GRAMD1C: variants seen among roughly 807,000 people sequenced by gnomAD.
The protein encoded by GRAMD1C is GRAM domain containing 1C.
Under a neutral mutation model 97.8 loss-of-function variants are expected in GRAMD1C, and 89 were observed. That is an observed-to-expected ratio of 0.91 (90% CI 0.77 to 1.09). The LOEUF (loss-of-function observed/expected upper bound fraction) is 1.09. GRAMD1C is among the 50% of genes least tolerant of loss of function. The pLI, the probability that GRAMD1C is intolerant of heterozygous loss-of-function variation, is 0.00. For missense variants in GRAMD1C, 740 were observed against 766.4 expected, an observed-to-expected ratio of 0.97 and a Z score of 0.41; for synonymous variants, 256 against 267.0, an observed-to-expected ratio of 0.96 and a Z score of 0.40.
At chr3:113,919,354 A>G in intron 10 of GRAMD1C, 2 of 496,862 alleles carry the variant, frequency 4.0e-6, no homozygotes, top group East Asian at 5.8e-5. Flanking sequence ...TTTATAATGG[A>G]GAATCTGTTT....
intron 3 of GRAMD1C, among the ~76,000 whole-genome samples, chr3:113,873,100 A>AAAAAAAAAG (rs1934894457): frequency 1.4e-5 from 2 of 145,410 alleles, no homozygotes; most frequent in South Asian, 4.5e-4. Context: ...CTCAAAAAAA[A>AAAAAAAAAG]AAAAAAAAAA....
chr3:113,929,847 A>G lies in GRAMD1C; in HGVS notation c.1091-867A>G, dbSNP rs543288530. ...TCTAAAGCCTCACTTCCTTCCTTTGATGATGAGTATAATGGGGTTAGATAA... is the reference window on the plus strand; with the variant it reads ...TCTAAAGCCTCACTTCCTTCCTTTGGTGATGAGTATAATGGGGTTAGATAA... On this transcript the variant is annotated intron_variant, in intron 10 of 17. Transcript: ENST00000358160. Among the ~76,000 whole-genome samples, 7 of 152,194 alleles carry G rather than the reference A, an allele frequency of 4.6e-5. No homozygotes were observed. The East Asian group carries it at 1.3e-3, about 29-fold the overall frequency.
intron 7 of GRAMD1C, 33 bp from the exon 8 acceptor site, chr3:113,904,107 C>T: frequency 6.4e-7 from 1 of 1,574,240 alleles, no homozygotes; most frequent in Middle Eastern, 1.7e-4. Context: ...GTGGAGGTGA[C>T]CTTATATTTC....
intron 10 of GRAMD1C, among the ~76,000 whole-genome samples, chr3:113,929,009 T>C (rs1937322527): frequency 6.6e-6 from 1 of 152,236 alleles, no homozygotes; most frequent in South Asian, 2.1e-4. Flanking sequence ...TGCTGCATCA[T>C]ATAGTAATTC....
upstream of GRAMD1C, among the ~76,000 whole-genome samples, chr3:113,837,530 G>C (rs76641292): frequency 6.6e-6 from 1 of 152,142 alleles, no homozygotes; most frequent in Non-Finnish European, 1.5e-5. Flanking sequence ...GCTCCAAGGC[G>C]AGAAGGAGGA....
chr3:113,836,562 G>A (rs967703904), upstream of GRAMD1C, among the ~76,000 whole-genome samples: 1 of 151,202 alleles, frequency 6.6e-6, no homozygotes, highest in African/African-American at 2.4e-5. Context: ...TGGATAACAG[G>A]GAACTCCTAA....
chr3:113,855,497 A>T lies in GRAMD1C; in HGVS notation c.174+10848A>T, dbSNP rs1934086655. Among the ~76,000 whole-genome samples, 5 of 152,176 alleles carry T rather than the reference A, an allele frequency of 3.3e-5. No homozygotes were observed. In the South Asian group the frequency reaches 1.0e-3, roughly 32 times the overall value. ...GGCGGGTGGATCCCTTGAGGCCAGG[A>T]GTTCGAGATCAGCCTGGCCAACATG... On this transcript the variant is annotated intron_variant, in intron 2 of 17. Coordinates refer to ENST00000358160, the MANE Select transcript of GRAMD1C (RefSeq NM_017577.5).
chr3:113,901,403 T>A (rs984247374), intron 7 of GRAMD1C, among the ~76,000 whole-genome samples: 2 of 152,200 alleles, frequency 1.3e-5, no homozygotes, highest in African/African-American at 4.8e-5. Flanking sequence ...TAAGCCTGTT[T>A]ATTAAGGATC....
intron 2 of GRAMD1C, among the ~76,000 whole-genome samples, chr3:113,866,608 C>T (rs1934596488): frequency 1.3e-5 from 2 of 151,754 alleles, no homozygotes; most frequent in South Asian, 4.2e-4. Flanking sequence ...TCTTCTGTTC[C>T]CCTTCTTTAT....
chr3:113,890,255 A>G (rs551809106), intron 6 of GRAMD1C, among the ~76,000 whole-genome samples: 41 of 152,264 alleles, frequency 2.7e-4, no homozygotes, highest in Middle Eastern at 3.4e-3. Flanking sequence ...AGGGAGTAGA[A>G]GTGACTAGCT....
rs974131188 is a variant in GRAMD1C at position 113,945,731 on chromosome 3, G to C, written c.*253G>C. On this transcript the variant is annotated 3_prime_UTR_variant, in exon 18 of 18. Coordinates refer to ENST00000358160, the MANE Select transcript of GRAMD1C (RefSeq NM_017577.5). ...TCAGTGAACCATGAAATATATTATA[G>C]AACTGAATTTCTCTGATACAAAAAG... 4 of 395,890 alleles carry C rather than the reference G, an allele frequency of 1.0e-5. No homozygotes were observed. Among genetic ancestry groups the C allele is most frequent in the African/African-American group, 4.2e-5 (2 of 47,346 alleles). 24.5% of individuals were successfully genotyped at this position (395,890 alleles called of 1,614,324 possible).
chr3:113,938,109 T>C lies in GRAMD1C; in HGVS notation c.1657T>C (p.Tyr553His). 1.3e-6 allele frequency: 2 copies of C among 1,539,224 alleles called. No individual in the cohort carries two copies. The highest frequency in any genetic ancestry group is 1.8e-6 in the Non-Finnish European group (2 of 1,126,506). ...AGGAAAGAAAAAGGAAATGGAAAAC[T>C]ATAACGTCACTCTTATTGTGGTAAT... ...ITGKKKEMENYNVTLIVVMSI... is the reference protein window; with the variant it reads ...ITGKKKEMENHNVTLIVVMSI... The change falls in exon 15 of 18, where the codon TAT becomes CAT. Residue 553 changes from tyrosine (Y) to histidine (H), a missense_variant. By Grantham distance (83) the Tyr-to-His change is moderately conservative. Coordinates refer to ENST00000358160, the MANE Select transcript of GRAMD1C (RefSeq NM_017577.5).
intron 6 of GRAMD1C, chr3:113,885,481 A>C: frequency 6.2e-7 from 1 of 1,604,312 alleles, no homozygotes; most frequent in Non-Finnish European, 8.5e-7. Flanking sequence ...GGTGAGGAGG[A>C]AGATCCTGGT....
chr3:113,887,109 T>TTTTTTTC (rs1935534123), intron 6 of GRAMD1C, among the ~76,000 whole-genome samples: 1 of 145,156 alleles, frequency 6.9e-6, no homozygotes, highest in Non-Finnish European at 1.5e-5. Flanking sequence ...TTTTTTTTTT[T>TTTTTTTC]TTGAGATAGA....
chr3:113,920,023 A>G, intron 10 of GRAMD1C: 1 of 788,496 alleles, frequency 1.3e-6, no homozygotes, highest in East Asian at 2.8e-5. Flanking sequence ...AAAAAGTTTC[A>G]GTAAGGTACT....
At chr3:113,933,356 C>T (rs1937510868) in intron 11 of GRAMD1C, among the ~76,000 whole-genome samples, 155 bp from the exon 12 acceptor site, 1 of 152,198 alleles carries the variant, frequency 6.6e-6, no homozygotes, top group South Asian at 2.1e-4. Flanking sequence ...TTATGGACAA[C>T]AGAGTCAGCA....
At chr3:113,880,776 A>C (rs568743540) in intron 5 of GRAMD1C, among the ~76,000 whole-genome samples, 1 of 152,336 alleles carries the variant, frequency 6.6e-6, no homozygotes, top group African/African-American at 2.4e-5. Context: ...AAGATCCACT[A>C]TGATAATTAT....
rs1936027958 is a variant in GRAMD1C, at chr3:113,898,637, G to C, written c.541-2394G>C. On this transcript the variant is annotated intron_variant, in intron 6 of 17. Coordinates refer to ENST00000358160, the MANE Select transcript of GRAMD1C (RefSeq NM_017577.5). ...AAAGACTTTGTCTACCAAATAAGGG[G>C]TATACATTAAATAATAAATATTAAA... Among the ~76,000 whole-genome samples the C allele has an allele frequency of 2.0e-5, 3 of 151,878 alleles. No homozygotes were observed. The South Asian group carries it at 6.2e-4, about 32-fold the overall frequency.
chr3:113,932,898 T>TC (rs1311439822), intron 11 of GRAMD1C, among the ~76,000 whole-genome samples: 2 of 151,378 alleles, frequency 1.3e-5, no homozygotes, highest in Admixed American at 1.3e-4. Flanking sequence ...TTTTTTTTTT[T>TC]TTGAGACAGA....
Sources: allele counts gnomAD v4.1 joint callset (sites outside exome capture counted in the v4.1 genomes callset), GRCh38; gene constraint gnomAD v4.1.1; transcripts MANE v1.5; gene names NCBI Gene and HGNC (gene_info 2026-07-23, HGNC 2026-07-21).